Variants in CASP10 observed in about 807,000 individuals in gnomAD.
The protein encoded by CASP10 is caspase-10.
Under a neutral mutation model 48.5 loss-of-function variants are expected in CASP10, and 41 were observed. That is an observed-to-expected ratio of 0.85 (90% CI 0.66 to 1.10). The LOEUF (loss-of-function observed/expected upper bound fraction) is 1.10. Among genes scored for constraint, CASP10 ranks in the 50% least tolerant of loss-of-function variants. The pLI is 0.00. For synonymous variants in CASP10, 232 were observed against 238.4 expected (o/e 0.97, Z 0.25); for missense variants, 614 against 614.5 (o/e 1.00, Z 0.01).
In CASP10 at chr2:201,190,931, G is replaced by A. The variant is rs552568870; in HGVS notation, c.442-2053G>A. Among the ~76,000 whole-genome samples, 4 of 151,620 alleles carry A rather than the reference G, an allele frequency of 2.6e-5. No homozygotes were observed. The East Asian group carries it at 5.8e-4, about 22-fold the overall frequency. ...GTCTGGAGTGCAATGGTGCCATCTCGGCTCACTGCAACCTCTGCCTCCTGG... is the reference window on the plus strand; with the variant it reads ...GTCTGGAGTGCAATGGTGCCATCTCAGCTCACTGCAACCTCTGCCTCCTGG... On this transcript the variant is annotated intron_variant, in intron 3 of 9. Transcript: ENST00000286186.
Position 201,208,114 on chromosome 2 carries a change from C to T in CASP10, c.853C>T (p.Leu285Phe), listed in dbSNP as rs17860403. ...CAGGATGAATCGGAACCACAGAGGC[C>T]TCTGTGTCATTGTCAACAACCACAG... ...VYRMNRNHRGLCVIVNNHSFT... is the reference protein window; with the variant it reads ...VYRMNRNHRGFCVIVNNHSFT... Residue 285 changes from leucine to phenylalanine, a missense_variant, in exon 8 of 10, where the codon CTC becomes TTC. Physicochemically the swap from Leu to Phe is conservative, Grantham distance 22 (BLOSUM62 0). Coordinates refer to ENST00000286186, the MANE Select transcript of CASP10 (RefSeq NM_032977.4). 2.4e-5 allele frequency: 39 copies of T among 1,613,912 alleles called. 1 individual carries two copies. In the African/African-American group the frequency reaches 4.7e-4, roughly 19 times the overall value.
exon 10 of CASP10, chr2:201,229,352 A>G (rs1576160165): frequency 1.9e-6 from 1 of 519,430 alleles, no homozygotes; most frequent in East Asian, 3.5e-5. Flanking sequence ...AAACAATTTA[A>G]ACAAATGGTC....
At chr2:201,212,692 A>G (rs747297454) in intron 9 of CASP10, 1 of 152,220 alleles carries the variant, frequency 6.6e-6, no homozygotes, top group Non-Finnish European at 1.5e-5. Context: ...TGTTGTTGGC[A>G]GTAACTAGAA....
At chr2:201,205,485 C>T (rs1391835692) in intron 6 of CASP10, among the ~76,000 whole-genome samples, 3 of 152,024 alleles carry the variant, frequency 2.0e-5, no homozygotes, top group Non-Finnish European at 2.9e-5. Context: ...CCCGTCTTGG[C>T]CTCCCAAAGT....
At chr2:201,195,705 C>T (rs1944766351) in intron 4 of CASP10, 137 bp from the exon 5 acceptor site, 1 of 721,400 alleles carries the variant, frequency 1.4e-6, no homozygotes. Context: ...TTGAGACGGA[C>T]TCCTACTCTG....
At chr2:201,199,569 C>CTTT (rs761866954) in intron 5 of CASP10, among the ~76,000 whole-genome samples, 36 of 122,516 alleles carry the variant, frequency 2.9e-4, no homozygotes, top group Non-Finnish European at 3.9e-4. Flanking sequence ...CTCCTTTAAT[C>CTTT]TTTTTTTTTT....
chr2:201,226,027 C>T (rs1434943928), downstream of CASP10, among the ~76,000 whole-genome samples: 3 of 152,006 alleles, frequency 2.0e-5, no homozygotes, highest in Non-Finnish European at 2.9e-5. Flanking sequence ...ATATCTGCCA[C>T]GTTGTATAAC....
At chr2:201,199,569 CTTTTTT>C (rs761866954) in intron 5 of CASP10, among the ~76,000 whole-genome samples, 4 of 122,518 alleles carry the variant, frequency 3.3e-5, no homozygotes, top group East Asian at 4.7e-4. Context: ...CTCCTTTAAT[CTTTTTT>C]TTTTTTTTTT....
Position 201,217,624 on chromosome 2 carries a change from CGAT to C in CASP10, c.1457_1459del (p.Asp486del), listed in dbSNP as rs1945613572. 1 of 1,613,924 alleles carries C rather than the reference CGAT, an allele frequency of 6.2e-7. No homozygotes were observed. Among genetic ancestry groups the C allele is most frequent in the Admixed American group, 1.7e-5 (1 of 59,986 alleles). On this transcript the variant is annotated inframe_deletion, in exon 10 of 10. Coordinates refer to ENST00000286186, the MANE Select transcript of CASP10 (RefSeq NM_032977.4). ...TCTTATCCATCCTCACTGCTGTCAA[CGAT>C]GATGTGAGTCGAAGAGTGGACAAAC... is the stretch of plus-strand genomic sequence containing the variant.
At position 201,218,164 on chromosome 2, in the gene CASP10, C is replaced by T. The variant is rs1945633349; in HGVS notation, c.*423C>T. On this transcript the variant is annotated 3_prime_UTR_variant, in exon 10 of 10. Transcript: ENST00000286186. ...TTCAAACTCCTAGGCCCAAGTGATCCTCCCACCTCTGTCCCCAAAATACTG... is the reference window on the plus strand; with the variant it reads ...TTCAAACTCCTAGGCCCAAGTGATCTTCCCACCTCTGTCCCCAAAATACTG... The T allele has an allele frequency of 5.8e-6, 6 of 1,031,692 alleles. No homozygotes were observed. The highest frequency in any genetic ancestry group is 7.1e-6 in the Non-Finnish European group (6 of 847,790). The allele number at this position is 1,031,692 out of a possible 1,614,324, so 63.9% of individuals were successfully genotyped here.
chr2:201,194,379 A>T (rs899584999), intron 4 of CASP10, among the ~76,000 whole-genome samples: 6 of 152,222 alleles, frequency 3.9e-5, no homozygotes, highest in Non-Finnish European at 5.9e-5. Context: ...AAATGAAACT[A>T]GCTAAGAGGA....
Position 201,220,196 on chromosome 2 carries a change from C to G in CASP10, c.*2455C>G, listed in dbSNP as rs1217555748. 1 of 959,208 alleles carries G rather than the reference C, an allele frequency of 1.0e-6. No individual in the cohort carries two copies. Among genetic ancestry groups the G allele is most frequent in the Non-Finnish European group, 1.2e-6 (1 of 806,154 alleles). 59.4% of individuals were successfully genotyped at this position (959,208 alleles called of 1,614,324 possible). A position where few individuals can be genotyped will look rare whatever the true frequency, so the allele number is the denominator to read the frequency against. ...CAGGAACACCGTCATCTTAGACAAACACCGCCACTTTAAGTTCCAGTTCCC... is the reference window on the plus strand; with the variant it reads ...CAGGAACACCGTCATCTTAGACAAAGACCGCCACTTTAAGTTCCAGTTCCC... On this transcript the variant is annotated 3_prime_UTR_variant, in exon 10 of 10. Coordinates refer to ENST00000286186, the MANE Select transcript of CASP10 (RefSeq NM_032977.4).
intron 5 of CASP10, among the ~76,000 whole-genome samples, chr2:201,201,441 G>C (rs1197438144): frequency 6.6e-6 from 1 of 151,916 alleles, no homozygotes; most frequent in Non-Finnish European, 1.5e-5. Flanking sequence ...TTTTCAACTT[G>C]TTTTGTGCTC....
At position 201,187,747 on chromosome 2, in the gene CASP10, A is replaced by C. The variant is rs1221661847; in HGVS notation, c.389A>C (p.Asn130Thr). Residue 130 changes from asparagine (N) to threonine (T), a missense_variant, in exon 3 of 10, where the codon AAC (asparagine) becomes ACC (threonine). By Grantham distance (65) the Asn-to-Thr change is moderately conservative (BLOSUM62 0). Coordinates refer to ENST00000286186, the MANE Select transcript of CASP10 (RefSeq NM_032977.4). Reference protein sequence around the residue: ...YELSEGIDSENLKDMIFLLKD... With the variant: ...YELSEGIDSETLKDMIFLLKD... ...CTGTCAGAAGGCATTGACTCAGAGA[A>C]CTTAAAGGACATGATCTTCCTTCTG... 2 of 1,614,024 alleles carry C rather than the reference A, an allele frequency of 1.2e-6. No individual in the cohort carries two copies. Among genetic ancestry groups the C allele is most frequent in the Non-Finnish European group, 1.7e-6 (2 of 1,180,006 alleles).
At chr2:201,217,093 G>C (rs1267959722) in intron 9 of CASP10, among the ~76,000 whole-genome samples, 1 of 152,156 alleles carries the variant, frequency 6.6e-6, no homozygotes, top group Non-Finnish European at 1.5e-5. Flanking sequence ...CATTCTAAGT[G>C]GTTAACTTCA....
intron 4 of CASP10, among the ~76,000 whole-genome samples, chr2:201,195,525 A>G (rs1006475069): frequency 7.4e-6 from 1 of 135,834 alleles, no homozygotes; most frequent in African/African-American, 3.0e-5. Flanking sequence ...TGCTGTTAAG[A>G]TGAAAGACTA....
At position 201,218,805 on chromosome 2, in the gene CASP10, A is replaced by C; in HGVS notation, c.*1064A>C. 1 of 985,316 alleles carries C rather than the reference A, an allele frequency of 1.0e-6. No individual in the cohort carries two copies. Among genetic ancestry groups the C allele is most frequent in the Non-Finnish European group, 1.2e-6 (1 of 829,960 alleles). 61.0% of individuals were successfully genotyped at this position (985,316 alleles called of 1,614,324 possible). A position where few individuals can be genotyped will look rare whatever the true frequency, so the allele number is the denominator to read the frequency against. ...CCTTCCTAAGACTTCTCTTTTGCAC[A>C]TCTAGTGAGGTGAAAATTTGGTCTA... On this transcript the variant is annotated 3_prime_UTR_variant, in exon 10 of 10. Coordinates refer to ENST00000286186, the MANE Select transcript of CASP10 (RefSeq NM_032977.4).
intron 9 of CASP10, chr2:201,213,321 G>A (rs1053851630): frequency 6.6e-6 from 1 of 152,142 alleles, no homozygotes; most frequent in Non-Finnish European, 1.5e-5. Context: ...AGGATTTAGA[G>A]ATAGTAAGAG....
chr2:201,200,579 G>A (rs964568621), intron 5 of CASP10: 1 of 1,577,452 alleles, frequency 6.3e-7, no homozygotes, highest in Admixed American at 1.8e-5. Context: ...CACAGAGCCG[G>A]GAGAGGCCTG....
Sources: gnomAD v4.1 joint callset for allele counts (sites outside exome capture counted in the v4.1 genomes callset) on GRCh38, gnomAD v4.1.1 for gene constraint, MANE v1.5 for transcripts, NCBI Gene and HGNC (gene_info 2026-07-23, HGNC 2026-07-21) for gene names.